The following FAF1 variants were observed in gnomAD, a reference collection of about 807,000 sequenced individuals.
FAF1 encodes Fas associated factor 1.
FAF1 carries 25 observed loss-of-function variants against 92.5 expected under a neutral mutation model. The ratio of observed to expected loss-of-function variants is 0.27; its 90% CI spans 0.20 to 0.38. The LOEUF (loss-of-function observed/expected upper bound fraction) is 0.38, where lower values mean the gene tolerates loss of function less well. FAF1 is among the 10% of genes least tolerant of loss of function. The pLI, the probability that FAF1 is intolerant of heterozygous loss-of-function variation, is 1.00. For synonymous variants in FAF1, 234 were observed against 273.2 expected (o/e 0.86, Z 1.42); for missense variants, 636 against 793.3 (o/e 0.80, Z 2.38).
intron 18 of FAF1, among the ~76,000 whole-genome samples, chr1:50,460,827 TG>T (rs1646419017): frequency 6.6e-6 from 1 of 151,942 alleles, no homozygotes; most frequent in African/African-American, 2.4e-5. Context: ...TGTGTGTGTG[TG>T]TGTGTGCAGA....
intron 1 of FAF1, among the ~76,000 whole-genome samples, chr1:50,932,550 C>T (rs1261149182): frequency 2.6e-5 from 4 of 152,230 alleles, no homozygotes; most frequent in Non-Finnish European, 5.9e-5. Flanking sequence ...CAGCTCCGCG[C>T]CTGTGGCTTT....
chr1:50,565,535 C>G (rs937854805), intron 13 of FAF1, among the ~76,000 whole-genome samples: 1 of 152,064 alleles, frequency 6.6e-6, no homozygotes, highest in Non-Finnish European at 1.5e-5. Flanking sequence ...TTGGTCACCA[C>G]AGGTGTCTCT....
At chr1:50,857,354 C>T (rs963542660) in intron 2 of FAF1, among the ~76,000 whole-genome samples, 1 of 151,602 alleles carries the variant, frequency 6.6e-6, no homozygotes, top group African/African-American at 2.4e-5. Context: ...ACATCTGTGT[C>T]ATCCTGACAC....
At chr1:50,861,498 T>C (rs937130369) in intron 1 of FAF1, among the ~76,000 whole-genome samples, 2 of 151,806 alleles carry the variant, frequency 1.3e-5, no homozygotes, top group East Asian at 1.9e-4. Context: ...AGTTAAACAA[T>C]GGAGACACAT....
At chr1:50,640,081 T>C (rs1654251051) in intron 8 of FAF1, among the ~76,000 whole-genome samples, 1 of 152,144 alleles carries the variant, frequency 6.6e-6, no homozygotes, top group South Asian at 2.1e-4. Context: ...GTAAAATGTG[T>C]TAAAATTTTT....
intron 8 of FAF1, among the ~76,000 whole-genome samples, chr1:50,645,640 T>C (rs948266645): frequency 9.9e-5 from 15 of 152,214 alleles, no homozygotes; most frequent in African/African-American, 3.6e-4. Context: ...CTGGCCAACA[T>C]GGTGAAACCC....
intron 6 of FAF1, among the ~76,000 whole-genome samples, chr1:50,723,243 A>C (rs1392954204): frequency 6.6e-6 from 1 of 151,586 alleles, no homozygotes; most frequent in East Asian, 2.0e-4. Context: ...TCTACTACAA[A>C]TACAAAAATG....
At chr1:50,593,840 T>C (rs527756774) in intron 9 of FAF1, among the ~76,000 whole-genome samples, 1 of 152,200 alleles carries the variant, frequency 6.6e-6, no homozygotes, top group Non-Finnish European at 1.5e-5. Context: ...GTGATATAAA[T>C]ACGTATTCAA....
chr1:50,717,913 AT>A (rs748076158), intron 6 of FAF1, among the ~76,000 whole-genome samples: 10 of 152,314 alleles, frequency 6.6e-5, no homozygotes, highest in Admixed American at 3.3e-4. Context: ...CCATAAAAAA[AT>A]GCCTGAATAA....
chr1:50,714,679 GA>G (rs1261021967), intron 6 of FAF1, among the ~76,000 whole-genome samples: 1 of 152,198 alleles, frequency 6.6e-6, no homozygotes, highest in Non-Finnish European at 1.5e-5. Flanking sequence ...AGCCACTCAA[GA>G]GACTGGATAT....
At chr1:50,880,272 T>TA (rs1213714130) in intron 1 of FAF1, among the ~76,000 whole-genome samples, 2 of 152,040 alleles carry the variant, frequency 1.3e-5, no homozygotes, top group African/African-American at 4.8e-5. Flanking sequence ...TTCTGTTAAT[T>TA]AAAAAAAGGG....
chr1:50,488,441 G>A (rs1017404774), intron 17 of FAF1, among the ~76,000 whole-genome samples: 4 of 152,168 alleles, frequency 2.6e-5, no homozygotes, highest in African/African-American at 7.2e-5. Context: ...ATTTTAGCAA[G>A]CCAGTATGGT....
chr1:50,539,697 T>G lies in FAF1; in HGVS notation c.1300A>C (p.Ser434Arg). 6.2e-7 allele frequency: 1 copy of G among 1,612,560 alleles called. No homozygotes were observed. The highest frequency in any genetic ancestry group is 8.5e-7 in the Non-Finnish European group (1 of 1,178,776). ...FLTMCNRHFG[S>R]VVAQTIRTQK... ...GTCCGAATGGTTTGTGCCACAACAC[T>G]GCCAAAGTGTCTATTGCACATAGTG... The change falls in exon 14 of 19, where the codon AGT becomes CGT. Residue 434 changes from serine (S) to arginine (R), a missense_variant. Transcript: ENST00000396153.
At chr1:50,577,821 C>T (rs1029094879) in intron 12 of FAF1, among the ~76,000 whole-genome samples, 17 of 152,188 alleles carry the variant, frequency 1.1e-4, no homozygotes, top group African/African-American at 2.6e-4. Flanking sequence ...TACTTTGTCA[C>T]GATATACTTA....
chr1:50,828,882 AGAT>A (rs1163535138), intron 2 of FAF1, among the ~76,000 whole-genome samples: 3 of 152,208 alleles, frequency 2.0e-5, no homozygotes, highest in Admixed American at 1.3e-4. Flanking sequence ...GCCACAGAAT[AGAT>A]GATGATCTCT....
intron 6 of FAF1, among the ~76,000 whole-genome samples, chr1:50,719,872 T>A (rs1658334878): frequency 6.6e-6 from 1 of 152,234 alleles, no homozygotes; most frequent in South Asian, 2.1e-4. Context: ...ACTGTATAAA[T>A]GGGTTTGGTA....
chr1:50,808,232 G>T (rs146810495), intron 2 of FAF1, among the ~76,000 whole-genome samples: 2 of 152,204 alleles, frequency 1.3e-5, no homozygotes, highest in African/African-American at 4.8e-5. Flanking sequence ...GTTACCACTA[G>T]ACCTGACTTA....
intron 4 of FAF1, among the ~76,000 whole-genome samples, chr1:50,779,791 A>G (rs967547459): frequency 1.3e-5 from 2 of 152,018 alleles, no homozygotes; most frequent in Non-Finnish European, 2.9e-5. Flanking sequence ...TTTTTTAAAA[A>G]TTAGAAAAGA....
intron 17 of FAF1, among the ~76,000 whole-genome samples, chr1:50,481,997 T>C (rs148970007): frequency 1.1e-3 from 170 of 152,332 alleles, no homozygotes; most frequent in African/African-American, 3.7e-3. Context: ...ATTATTTTCC[T>C]ATTTTAAAAT....
Sources: allele counts gnomAD v4.1 joint callset (sites outside exome capture counted in the v4.1 genomes callset), GRCh38; gene constraint gnomAD v4.1.1; transcripts MANE v1.5; gene names NCBI Gene and HGNC (gene_info 2026-07-23, HGNC 2026-07-21).